The following ESRRG variants were observed in gnomAD, a reference collection of about 807,000 sequenced individuals.
ESRRG encodes estrogen-related receptor gamma.
A neutral mutation model predicts 44.0 loss-of-function variants in ESRRG; 13 were observed. The ratio of observed to expected loss-of-function variants is 0.30; its 90% confidence interval spans 0.19 to 0.47. ESRRG has a LOEUF of 0.47. Among genes scored for constraint, ESRRG ranks in the 20% least tolerant of loss-of-function variants. ESRRG has a pLI of 1.00. For synonymous variants in ESRRG, 215 were observed against 214.6 expected, an observed-to-expected ratio of 1.00 and a Z score of -0.02; for missense variants, 395 against 580.6, an observed-to-expected ratio of 0.68 and a Z score of 3.29.
chr1:216,902,822 A>G (rs2059241953), intron 2 of ESRRG, among the ~76,000 whole-genome samples: 1 of 152,226 alleles, frequency 6.6e-6, no homozygotes, highest in African/African-American at 2.4e-5. Flanking sequence ...GACCACATGC[A>G]TAGCATTGGA....
chr1:216,688,876 G>A (rs974013018), intron 1 of ESRRG, among the ~76,000 whole-genome samples: 5 of 152,094 alleles, frequency 3.3e-5, no homozygotes, highest in African/African-American at 4.8e-5. Flanking sequence ...AGAGAGTGGT[G>A]TATATATTCA....
chr1:216,568,834 C>A (rs1398403509), intron 3 of ESRRG, among the ~76,000 whole-genome samples: 1 of 152,104 alleles, frequency 6.6e-6, no homozygotes, highest in Non-Finnish European at 1.5e-5. Flanking sequence ...GCGGGCAGAT[C>A]ACCTGAGGTT....
At chr1:216,818,590 G>T (rs2576233) in intron 2 of ESRRG, among the ~76,000 whole-genome samples, 37,102 of 151,824 alleles carry the variant, frequency 0.24, 4,772 homozygotes, top group East Asian at 0.44. Context: ...GGCTGCTGTG[G>T]GTTTCTTTTT....
chr1:216,715,540 A>G (rs956937906), intron 1 of ESRRG, among the ~76,000 whole-genome samples: 1 of 152,182 alleles, frequency 6.6e-6, no homozygotes, highest in Non-Finnish European at 1.5e-5. Flanking sequence ...TTAATGTACT[A>G]GGATAATTTG....
chr1:216,608,231 A>G (rs1436776196), intron 3 of ESRRG, among the ~76,000 whole-genome samples: 1 of 152,182 alleles, frequency 6.6e-6, no homozygotes, highest in Non-Finnish European at 1.5e-5. Flanking sequence ...TGCATCTTTT[A>G]TCAACTTAAA....
intron 2 of ESRRG, among the ~76,000 whole-genome samples, chr1:216,740,014 G>A (rs1012641617): frequency 3.9e-5 from 6 of 152,028 alleles, no homozygotes; most frequent in Admixed American, 2.6e-4. Context: ...TGCTGACCTC[G>A]GCTATGTTAG....
intron 2 of ESRRG, among the ~76,000 whole-genome samples, chr1:216,876,827 C>A (rs887982215): frequency 3.9e-5 from 6 of 152,108 alleles, no homozygotes; most frequent in Non-Finnish European, 7.4e-5. Flanking sequence ...CAACATGAAA[C>A]AATATGTACC....
intron 2 of ESRRG, among the ~76,000 whole-genome samples, chr1:216,914,793 A>T (rs890852425): frequency 6.6e-6 from 1 of 152,148 alleles, no homozygotes; most frequent in East Asian, 1.9e-4. Flanking sequence ...CAGTCTATGA[A>T]GCACTGGCCA....
intron 1 of ESRRG, among the ~76,000 whole-genome samples, chr1:216,994,629 T>C (rs934016705): frequency 6.6e-6 from 1 of 152,190 alleles, no homozygotes; most frequent in Admixed American, 6.5e-5. Context: ...TCGCCCAGGC[T>C]GGAGTGCAGT....
chr1:216,797,077 A>G (rs1417026184), intron 2 of ESRRG, among the ~76,000 whole-genome samples: 1 of 151,922 alleles, frequency 6.6e-6, no homozygotes, highest in Non-Finnish European at 1.5e-5. Flanking sequence ...TTTTTAGTAG[A>G]GACGGGGTTT....
intron 1 of ESRRG, among the ~76,000 whole-genome samples, chr1:217,053,945 C>T (rs1009434502): frequency 1.3e-5 from 2 of 151,828 alleles, no homozygotes; most frequent in Admixed American, 6.6e-5. Context: ...CAGCCAATTC[C>T]TCAGCAGCTG....
Position 216,503,799 on chromosome 1 carries a change from A to T in ESRRG, c.*3140T>A, listed in dbSNP as rs934511246. 1 of 152,596 alleles carries T rather than the reference A, an allele frequency of 6.6e-6. No homozygotes were observed. The highest frequency in any genetic ancestry group is 1.5e-5 in the Non-Finnish European group (1 of 68,002). The allele number at this position is 152,596 out of a possible 1,614,324, so 9.5% of individuals were successfully genotyped here. ...TGATTGAAACACAAGTGTAACTACA[A>T]GGAGTCACACAATCATATTGCTTTA... On this transcript the variant is annotated 3_prime_UTR_variant, in exon 7 of 7. Transcript: ENST00000408911.
intron 1 of ESRRG, among the ~76,000 whole-genome samples, chr1:217,003,410 A>G (rs2077302040): frequency 6.6e-6 from 1 of 152,030 alleles, no homozygotes; most frequent in Non-Finnish European, 1.5e-5. Flanking sequence ...TTTATTCAAT[A>G]AACATTAGTT....
intron 1 of ESRRG, among the ~76,000 whole-genome samples, chr1:217,099,376 CAAA>C (rs34591349): frequency 2.8e-4 from 39 of 138,730 alleles, no homozygotes; most frequent in Non-Finnish European, 3.1e-4. Context: ...GTGAGCAGAG[CAAA>C]AAAAAAAAAA....
chr1:216,684,285 A>G lies in ESRRG; in HGVS notation c.57-6794T>C, dbSNP rs11572687. Among the ~76,000 whole-genome samples the G allele has an allele frequency of 2.1e-4, 32 of 152,344 alleles. No homozygotes were observed. The East Asian group carries it at 6.2e-3, about 29-fold the overall frequency. On this transcript the variant is annotated intron_variant, in intron 1 of 6. Transcript: ENST00000408911. ...CTGGTTGATAAACTTTATTAATGGG[A>G]AAAGAAATGGTCCTGTGATATCACA...
At chr1:217,118,858 G>A (rs2092775605) in intron 1 of ESRRG, among the ~76,000 whole-genome samples, 1 of 152,100 alleles carries the variant, frequency 6.6e-6, no homozygotes, top group South Asian at 2.1e-4. Flanking sequence ...GCCAAGCATG[G>A]TGGCTTATTC....
intron 5 of ESRRG, among the ~76,000 whole-genome samples, chr1:216,533,658 C>T (rs968470055): frequency 2.0e-5 from 3 of 152,060 alleles, no homozygotes; most frequent in African/African-American, 4.8e-5. Flanking sequence ...AATAAAAACT[C>T]GATAATAGGC....
intron 2 of ESRRG, among the ~76,000 whole-genome samples, chr1:216,784,117 A>G (rs1420572900): frequency 6.6e-6 from 1 of 152,002 alleles, no homozygotes; most frequent in Non-Finnish European, 1.5e-5. Flanking sequence ...TCATTATACC[A>G]GCTAAAATTT....
intron 3 of ESRRG, among the ~76,000 whole-genome samples, chr1:216,582,772 C>A (rs1338136464): frequency 2.0e-5 from 3 of 152,168 alleles, no homozygotes; most frequent in Non-Finnish European, 4.4e-5. Flanking sequence ...TTGGCCTGGA[C>A]ACTTTTTCTC....
Sources: allele counts gnomAD v4.1 joint callset (sites outside exome capture counted in the v4.1 genomes callset), GRCh38; gene constraint gnomAD v4.1.1; transcripts MANE v1.5; gene names NCBI Gene and HGNC (gene_info 2026-07-23, HGNC 2026-07-21).